The following CMIP variants were observed in gnomAD, a reference collection of about 807,000 sequenced individuals.
CMIP encodes the protein c-Maf inducing protein.
A neutral mutation model predicts 97.3 loss-of-function variants in CMIP; 13 were observed. That is an observed-to-expected ratio of 0.13 (90% CI 0.09 to 0.21). CMIP has a LOEUF of 0.21. CMIP is among the 10% of genes least tolerant of loss of function. The pLI, the probability that CMIP is intolerant of heterozygous loss-of-function variation, is 1.00. For synonymous variants in CMIP, 538 were observed against 436.3 expected (o/e 1.23, Z -2.91); for missense variants, 847 against 1,024.9 (o/e 0.83, Z 2.37).
chr16:81,569,048 G>A (rs75607068), intron 1 of CMIP, among the ~76,000 whole-genome samples: 1,694 of 152,270 alleles, frequency 0.011, 40 homozygotes, highest in African/African-American at 0.039. Context: ...AACTCGCAGA[G>A]GTTTAAATAA....
chr16:81,551,387 G>A (rs978908721), intron 1 of CMIP, among the ~76,000 whole-genome samples: 7 of 152,248 alleles, frequency 4.6e-5, no homozygotes, highest in Non-Finnish European at 7.3e-5. Context: ...TGACAAATGG[G>A]ACAATAAAGC....
At chr16:81,580,749 A>G (rs891147211) in intron 1 of CMIP, among the ~76,000 whole-genome samples, 12 of 149,832 alleles carry the variant, frequency 8.0e-5, no homozygotes, top group Admixed American at 1.3e-4. Context: ...GTGAGCCGAA[A>G]TCATGCCACT....
chr16:81,596,031 A>C (rs2091549643), intron 1 of CMIP, among the ~76,000 whole-genome samples: 1 of 151,934 alleles, frequency 6.6e-6, no homozygotes. Context: ...CCTCTCCCTC[A>C]ACACTTTTTT....
chr16:81,698,929 A>T (rs1907070691), intron 14 of CMIP, among the ~76,000 whole-genome samples: 1 of 152,194 alleles, frequency 6.6e-6, no homozygotes, highest in African/African-American at 2.4e-5. Flanking sequence ...GAGATTACAT[A>T]TTTAGAGATT....
chr16:81,696,711 G>A (rs1309256539), intron 14 of CMIP, 44 bp downstream of exon 14: 1 of 1,564,018 alleles, frequency 6.4e-7, no homozygotes, highest in South Asian at 1.1e-5. Context: ...GGGGTCCCTG[G>A]GCTTGCCATG....
At chr16:81,610,481 C>G in intron 2 of CMIP, 1 of 985,886 alleles carries the variant, frequency 1.0e-6, no homozygotes, top group South Asian at 4.7e-5. Flanking sequence ...GAGCCGGACT[C>G]CGAGCTAATG....
At chr16:81,628,710 T>A (rs532383099) in intron 3 of CMIP, among the ~76,000 whole-genome samples, 1 of 152,164 alleles carries the variant, frequency 6.6e-6, no homozygotes, top group Non-Finnish European at 1.5e-5. Context: ...TCACACCTGA[T>A]GTGCACTTGG....
chr16:81,495,296 G>T, intron 1 of CMIP: 1 of 1,430,104 alleles, frequency 7.0e-7, no homozygotes. Flanking sequence ...ACCCTCTGGG[G>T]CGGGGCCCTG....
chr16:81,578,664 T>C (rs576055499), intron 1 of CMIP, among the ~76,000 whole-genome samples: 8 of 152,316 alleles, frequency 5.3e-5, no homozygotes, highest in African/African-American at 1.9e-4. Context: ...TCCCAGCCAG[T>C]TGGATAAAGA....
chr16:81,498,731 G>A (rs12449079), intron 1 of CMIP, among the ~76,000 whole-genome samples: 58,467 of 151,974 alleles, frequency 0.38, 11,437 homozygotes, highest in East Asian at 0.48. Context: ...TCCCCCAGGC[G>A]TCATGTATAC....
intron 1 of CMIP, among the ~76,000 whole-genome samples, chr16:81,580,827 G>A (rs1375598358): frequency 6.6e-6 from 1 of 152,052 alleles, no homozygotes; most frequent in Non-Finnish European, 1.5e-5. Context: ...ATAGTTCAGC[G>A]GCCTTTAGCA....
chr16:81,487,712 C>T (rs2089340245), intron 1 of CMIP, among the ~76,000 whole-genome samples: 1 of 152,206 alleles, frequency 6.6e-6, no homozygotes, highest in African/African-American at 2.4e-5. Context: ...CTTCCTTGCA[C>T]CACTCTCACA....
chr16:81,451,101 C>G (rs534241736), intron 1 of CMIP, among the ~76,000 whole-genome samples: 1 of 152,272 alleles, frequency 6.6e-6, no homozygotes, highest in East Asian at 1.9e-4. Context: ...TAGTCCCAGC[C>G]TCTTTGATAT....
At chr16:81,684,552 C>A in intron 10 of CMIP, among the ~76,000 whole-genome samples, 1 of 152,352 alleles carries the variant, frequency 6.6e-6, no homozygotes. Flanking sequence ...AGCTGAGCTG[C>A]GTGAGGTGGG....
At chr16:81,608,978 C>T (rs982607562) in intron 2 of CMIP, among the ~76,000 whole-genome samples, 2 of 152,156 alleles carry the variant, frequency 1.3e-5, no homozygotes, top group African/African-American at 4.8e-5. Context: ...GAGAGTCACC[C>T]AGTCTGGGCT....
intron 3 of CMIP, among the ~76,000 whole-genome samples, chr16:81,626,255 G>A (rs2092060744): frequency 6.9e-6 from 1 of 144,988 alleles, no homozygotes. Context: ...GTGAGTGTGT[G>A]TGAGAGCGAG....
chr16:81,495,260 C>T, intron 1 of CMIP: 3 of 1,389,776 alleles, frequency 2.2e-6, no homozygotes, highest in South Asian at 1.5e-5. Flanking sequence ...GAGTGGACCT[C>T]TCAGCCTGGG....
At chr16:81,493,582 C>G (rs575688821) in intron 1 of CMIP, among the ~76,000 whole-genome samples, 1 of 152,228 alleles carries the variant, frequency 6.6e-6, no homozygotes, top group South Asian at 2.1e-4. Context: ...GCAAGCCACC[C>G]GGGCCCAGCC....
At chr16:81,470,273 G>T (rs1427800361) in intron 1 of CMIP, among the ~76,000 whole-genome samples, 3 of 152,214 alleles carry the variant, frequency 2.0e-5, no homozygotes, top group Non-Finnish European at 2.9e-5. Flanking sequence ...GAGCCCCAGC[G>T]GTTCAAGAGG....
Sources: gnomAD v4.1 joint callset for allele counts (sites outside exome capture counted in the v4.1 genomes callset) on GRCh38, gnomAD v4.1.1 for gene constraint, MANE v1.5 for transcripts, NCBI Gene and HGNC (gene_info 2026-07-23, HGNC 2026-07-21) for gene names.